The following MAMLD1 variants were observed in gnomAD, a reference collection of about 807,000 sequenced individuals.
MAMLD1 encodes mastermind-like domain-containing protein 1.
Under a neutral mutation model 45.0 loss-of-function variants are expected in MAMLD1, and 14 were observed. The observed-to-expected ratio is 0.31, with a 90% CI of 0.21 to 0.49. MAMLD1 has a LOEUF of 0.49. Ranked by LOEUF, MAMLD1 falls within the 20% of genes least tolerant of loss-of-function variation. The probability of loss-of-function intolerance (pLI) is 0.99; values close to 1 mark genes in which losing one functional copy is unlikely to be tolerated. For missense variants in MAMLD1, 543 were observed against 603.6 expected (o/e 0.90, Z 1.05); for synonymous variants, 254 against 247.8 (o/e 1.02, Z -0.24).
At position 150,514,147 on chromosome X, in the gene MAMLD1, G is replaced by A; in HGVS notation, c.*2188G>A. 4.8e-6 allele frequency: 1 copy of A among 206,465 alleles called. No homozygotes were observed. 17.0% of individuals were successfully genotyped at this position (206,465 alleles called of 1,213,427 possible). ...TTTCAAGCCAGTGTGTTTTTTCTTC[G>A]TTCTGTAATAAACAGCCAGGAGAAA... On this transcript the variant is annotated 3_prime_UTR_variant, in exon 8 of 8. Transcript: ENST00000370401.
chrX:150,512,682 A>G lies in MAMLD1; in HGVS notation c.*723A>G. 1 of 1,151,642 alleles carries G rather than the reference A, an allele frequency of 8.7e-7. No homozygotes were observed. The highest frequency in any genetic ancestry group is 1.8e-5 in the African/African-American group (1 of 56,282). 94.9% of individuals were successfully genotyped at this position (1,151,642 alleles called of 1,213,427 possible). On this transcript the variant is annotated 3_prime_UTR_variant, in exon 8 of 8. Transcript: ENST00000370401. ...GTAGCAAACACCACCAAGTTCCTCC[A>G]GCAGGGTATGGCCAGCTTTAGTCCC...
chrX:150,367,277 G>A (rs1267577548), intron 1 of MAMLD1, among the ~76,000 whole-genome samples: 1 of 108,897 alleles, frequency 9.2e-6, no homozygotes, highest in African/African-American at 3.4e-5. Context: ...GTGGGGGTGG[G>A]GTCTACAGAT....
chrX:150,362,387 G>A (rs1474405047), upstream of MAMLD1, among the ~76,000 whole-genome samples: 2 of 110,629 alleles, frequency 1.8e-5, no homozygotes, highest in African/African-American at 6.6e-5. Context: ...CATTCCTCTT[G>A]CAAGCTCTCT....
chrX:150,457,790 G>T (rs185297988), intron 2 of MAMLD1, among the ~76,000 whole-genome samples: 115 of 111,882 alleles, frequency 1.0e-3, no homozygotes, highest in African/African-American at 3.5e-3. Flanking sequence ...AGAGACAGAG[G>T]GTAGATAAAT....
intron 1 of MAMLD1, among the ~76,000 whole-genome samples, chrX:150,367,042 T>C (rs2124442221): frequency 1.2e-5 from 1 of 82,575 alleles, no homozygotes; most frequent in African/African-American, 4.8e-5. Context: ...CCATTTTCAG[T>C]TTTTCTTCAG....
chrX:150,397,368 T>C (rs1253102071), intron 1 of MAMLD1, among the ~76,000 whole-genome samples: 1 of 112,406 alleles, frequency 8.9e-6, no homozygotes, highest in African/African-American at 3.2e-5. Context: ...AAGGTGTGTC[T>C]TTCCATTCAT....
intron 1 of MAMLD1, among the ~76,000 whole-genome samples, chrX:150,392,033 C>T: frequency 8.9e-6 from 1 of 111,817 alleles, no homozygotes; most frequent in Non-Finnish European, 1.9e-5. Flanking sequence ...AATTGCCCTG[C>T]CTTGTTGCCA....
chrX:150,444,124 G>A (rs1284720460), intron 1 of MAMLD1, among the ~76,000 whole-genome samples: 1 of 111,879 alleles, frequency 8.9e-6, no homozygotes, highest in African/African-American at 3.3e-5. Context: ...GGACAGGGGT[G>A]AGGATTCCAA....
intron 1 of MAMLD1, among the ~76,000 whole-genome samples, chrX:150,370,788 C>T (rs2031918801): frequency 1.8e-5 from 2 of 111,929 alleles, no homozygotes; most frequent in African/African-American, 3.3e-5. Context: ...ATCTTTATAA[C>T]ATCCAAAGCA....
intron 5 of MAMLD1, among the ~76,000 whole-genome samples, chrX:150,482,118 T>G (rs1413026693): frequency 9.0e-6 from 1 of 111,691 alleles, no homozygotes; most frequent in Admixed American, 9.5e-5. Context: ...CAAATGTCCA[T>G]CAGCTGGTAA....
chrX:150,398,316 A>G (rs868971240), intron 1 of MAMLD1, among the ~76,000 whole-genome samples: 2 of 98,313 alleles, frequency 2.0e-5, no homozygotes, highest in African/African-American at 7.6e-5. Flanking sequence ...AAGAAGAAGA[A>G]GAAGAAGAAG....
At position 150,512,168 on chromosome X, in the gene MAMLD1, C is replaced by T. The variant is rs1284681673; in HGVS notation, c.*209C>T. 8.7e-6 allele frequency: 10 copies of T among 1,146,091 alleles called. No individual in the cohort carries two copies. The highest frequency in any genetic ancestry group is 1.2e-5 in the Non-Finnish European group (10 of 867,357). The allele number at this position is 1,146,091 out of a possible 1,213,427, so 94.5% of individuals were successfully genotyped here. On this transcript the variant is annotated 3_prime_UTR_variant, in exon 8 of 8. Transcript: ENST00000370401. Reference sequence around the variant, plus strand: ...CTGCGAGGGCATGGGAGTGATCTCACCAACTCTGGGGAAGCGGCAAGGAAT... The same window carrying T: ...CTGCGAGGGCATGGGAGTGATCTCATCAACTCTGGGGAAGCGGCAAGGAAT...
At chrX:150,493,788 A>G (rs2148342491) in intron 5 of MAMLD1, among the ~76,000 whole-genome samples, 1 of 112,186 alleles carries the variant, frequency 8.9e-6, no homozygotes, top group Admixed American at 9.5e-5. Context: ...GTCTTTTTAA[A>G]TATATTTTAT....
chrX:150,385,450 A>T (rs1557402009), intron 1 of MAMLD1, among the ~76,000 whole-genome samples: 1 of 112,209 alleles, frequency 8.9e-6, no homozygotes, highest in African/African-American at 3.2e-5. Flanking sequence ...CCAATAACAT[A>T]AACAACACAT....
intron 1 of MAMLD1, among the ~76,000 whole-genome samples, chrX:150,405,984 T>A (rs1228578846): frequency 9.0e-6 from 1 of 111,393 alleles, no homozygotes; most frequent in East Asian, 2.8e-4. Flanking sequence ...ACTCTGACCA[T>A]CCTTGGATTT....
At chrX:150,436,982 T>G (rs1252907292) in intron 1 of MAMLD1, among the ~76,000 whole-genome samples, 1 of 110,596 alleles carries the variant, frequency 9.0e-6, no homozygotes, top group African/African-American at 3.3e-5. Flanking sequence ...CTGGGAGATT[T>G]TAGTGGGGCA....
chrX:150,480,980 A>T (rs1203706019), intron 5 of MAMLD1, among the ~76,000 whole-genome samples: 4 of 112,686 alleles, frequency 3.5e-5, no homozygotes, highest in Non-Finnish European at 7.5e-5. Context: ...TTTTGAGCAG[A>T]GGAGGTGAGC....
intron 1 of MAMLD1, among the ~76,000 whole-genome samples, chrX:150,371,571 A>T (rs1208173363): frequency 1.8e-5 from 2 of 112,178 alleles, no homozygotes; most frequent in African/African-American, 6.5e-5. Flanking sequence ...TCTTTGGAGC[A>T]TAAAGACAGG....
chrX:150,404,627 G>C (rs2124526939), intron 1 of MAMLD1, among the ~76,000 whole-genome samples: 1 of 111,587 alleles, frequency 9.0e-6, no homozygotes, highest in South Asian at 3.8e-4. Context: ...CCCCAGTCAA[G>C]ATGATGAATA....
Sources: allele counts gnomAD v4.1 joint callset (sites outside exome capture counted in the v4.1 genomes callset), GRCh38; gene constraint gnomAD v4.1.1; transcripts MANE v1.5; gene names NCBI Gene and HGNC (gene_info 2026-07-23, HGNC 2026-07-21).